Variants in LPP observed in about 807,000 individuals in gnomAD.
The protein encoded by LPP is lipoma-preferred partner.
LPP carries 38 observed loss-of-function variants against 60.4 expected under a neutral mutation model. The observed-to-expected ratio is 0.63, with a 90% CI of 0.49 to 0.83. The LOEUF is 0.83. LPP is among the 40% of genes least tolerant of loss of function. The pLI is 0.00. For synonymous variants in LPP, 328 were observed against 290.8 expected, an observed-to-expected ratio of 1.13 and a Z score of -1.30; for missense variants, 902 against 783.6, an observed-to-expected ratio of 1.15 and a Z score of -1.80.
chr3:188,201,960 G>A (rs1487198951), intron 1 of LPP, among the ~76,000 whole-genome samples: 1 of 151,910 alleles, frequency 6.6e-6, no homozygotes, highest in Non-Finnish European at 1.5e-5. Flanking sequence ...AAGCAGAGGG[G>A]ACAAGGTGAG....
chr3:188,221,318 CG>C (rs1159882639), intron 1 of LPP, among the ~76,000 whole-genome samples: 1 of 152,158 alleles, frequency 6.6e-6, no homozygotes, highest in Non-Finnish European at 1.5e-5. Flanking sequence ...CTCAAAAGGA[CG>C]TTGCATGTAC....
At chr3:188,441,405 A>T (rs1410628612) in intron 4 of LPP, among the ~76,000 whole-genome samples, 7 of 151,936 alleles carry the variant, frequency 4.6e-5, no homozygotes, top group African/African-American at 1.7e-4. Context: ...CTTACGTTTT[A>T]AATAAAAATA....
intron 4 of LPP, among the ~76,000 whole-genome samples, 194 bp from the exon 5 acceptor site, chr3:188,484,398 C>G (rs1010701872): frequency 6.6e-6 from 1 of 152,172 alleles, no homozygotes; most frequent in African/African-American, 2.4e-5. Context: ...AATATCAAAT[C>G]CGATACTCTT....
chr3:188,503,699 T>C (rs1244836609), intron 5 of LPP, among the ~76,000 whole-genome samples: 1 of 152,062 alleles, frequency 6.6e-6, no homozygotes, highest in Admixed American at 6.5e-5. Context: ...AAATAAAATT[T>C]TGCCAGATGT....
At position 188,203,472 on chromosome 3, in the gene LPP, T is replaced by A. The variant is rs1577266080; in HGVS notation, c.-189-21933T>A. ...AAATATATATAAATATATATATTTT[T>A]AAATATATATATATTTTTAAATATA... On this transcript the variant is annotated intron_variant, in intron 1 of 11. Coordinates refer to ENST00000617246, the MANE Select transcript of LPP (RefSeq NM_001375462.1). Among the ~76,000 whole-genome samples the A allele has an allele frequency of 6.6e-5, 6 of 91,372 alleles. No individual in the cohort carries two copies. The South Asian group carries it at 1.6e-3, about 25-fold the overall frequency. The allele number at this position is 91,372 out of a possible 152,430, so 59.9% of individuals were successfully genotyped here.
At chr3:188,161,009 C>T (rs1041301280) in intron 1 of LPP, among the ~76,000 whole-genome samples, 1 of 152,114 alleles carries the variant, frequency 6.6e-6, no homozygotes, top group African/African-American at 2.4e-5. Flanking sequence ...CCATAGGGAC[C>T]TTGGTGTATG....
chr3:188,487,065 C>T lies in LPP; in HGVS notation c.306+2361C>T, dbSNP rs191914575. On this transcript the variant is annotated intron_variant, in intron 5 of 11. Coordinates refer to ENST00000617246, the MANE Select transcript of LPP (RefSeq NM_001375462.1). ...GAAACTATTTTGTTGCATTTTAAATCTTTAGTTCTCACAATGTTATTTGAA... is the reference window on the plus strand; with the variant it reads ...GAAACTATTTTGTTGCATTTTAAATTTTTAGTTCTCACAATGTTATTTGAA... 1.2e-3 allele frequency among the ~76,000 whole-genome samples: 185 copies of T among 152,266 alleles called. 1 individual carries two copies. Among genetic ancestry groups the T allele is most frequent in the Non-Finnish European group, 9.7e-4 (66 of 68,014 alleles).
rs564680551 is a variant in LPP, at chr3:188,477,363, C to A, written c.194-7229C>A. Among the ~76,000 whole-genome samples, 3 of 152,268 alleles carry A rather than the reference C, an allele frequency of 2.0e-5. No individual in the cohort carries two copies. The East Asian group carries it at 5.8e-4, about 29-fold the overall frequency. On this transcript the variant is annotated intron_variant, in intron 4 of 11. Coordinates refer to ENST00000617246, the MANE Select transcript of LPP (RefSeq NM_001375462.1). ...GTAGCTGGATCAGTCAAATTAATAACCCCTTCCTTGTCAGAGAGAAGGGCA... is the reference window on the plus strand; with the variant it reads ...GTAGCTGGATCAGTCAAATTAATAAACCCTTCCTTGTCAGAGAGAAGGGCA...
chr3:188,581,455 T>A (rs539945789), intron 6 of LPP, among the ~76,000 whole-genome samples: 1 of 152,316 alleles, frequency 6.6e-6, no homozygotes, highest in Non-Finnish European at 1.5e-5. Flanking sequence ...ACTTGCAATT[T>A]AGTACTGTTT....
At chr3:188,185,099 GC>G (rs1175275122) in intron 1 of LPP, among the ~76,000 whole-genome samples, 1 of 152,092 alleles carries the variant, frequency 6.6e-6, no homozygotes, top group Non-Finnish European at 1.5e-5. Context: ...TTGCAGAGAC[GC>G]CTTCTTTTTA....
At chr3:188,800,524 CG>C (rs1386527908) in intron 9 of LPP, among the ~76,000 whole-genome samples, 1 of 151,966 alleles carries the variant, frequency 6.6e-6, no homozygotes, top group Non-Finnish European at 1.5e-5. Context: ...GGATTACAGG[CG>C]TGAGCCACCA....
chr3:188,623,899 T>C (rs1846286620), intron 7 of LPP, among the ~76,000 whole-genome samples: 1 of 152,212 alleles, frequency 6.6e-6, no homozygotes, highest in Non-Finnish European at 1.5e-5. Flanking sequence ...CGTCTCTTCC[T>C]TTTTCATCTT....
chr3:188,755,809 C>CAAAAAAAAAAAAA (rs58696911), intron 8 of LPP, among the ~76,000 whole-genome samples: 5 of 73,986 alleles, frequency 6.8e-5, no homozygotes, highest in Admixed American at 1.5e-4. Flanking sequence ...GATCCTGTCA[C>CAAAAAAAAAAAAA]AAAAAAAAAA....
chr3:188,415,338 G>T (rs1468232736), intron 4 of LPP, among the ~76,000 whole-genome samples: 2 of 152,080 alleles, frequency 1.3e-5, no homozygotes, highest in Non-Finnish European at 2.9e-5. Context: ...TGGTAGGCAT[G>T]TGCAAAATTT....
chr3:188,740,197 C>T (rs1046555382), intron 8 of LPP, among the ~76,000 whole-genome samples: 1 of 151,994 alleles, frequency 6.6e-6, no homozygotes, highest in African/African-American at 2.4e-5. Flanking sequence ...CTCTGTTTCC[C>T]TAGTTTACTA....
chr3:188,615,877 A>ATATT (rs1037405218), intron 7 of LPP, among the ~76,000 whole-genome samples: 55 of 152,226 alleles, frequency 3.6e-4, no homozygotes, highest in African/African-American at 1.3e-3. Context: ...GACCGCATAA[A>ATATT]TGTCTTATTT....
intron 6 of LPP, among the ~76,000 whole-genome samples, chr3:188,603,481 G>A (rs190081857): frequency 6.6e-6 from 1 of 151,984 alleles, no homozygotes; most frequent in Admixed American, 6.6e-5. Flanking sequence ...CCACCTACTA[G>A]TGATGTGTCC....
intron 9 of LPP, among the ~76,000 whole-genome samples, chr3:188,858,576 G>A (rs908640198): frequency 6.6e-6 from 1 of 152,162 alleles, no homozygotes; most frequent in Admixed American, 6.5e-5. Context: ...ACTTTGTGAA[G>A]AATGTGATTT....
intron 9 of LPP, among the ~76,000 whole-genome samples, chr3:188,835,499 A>G (rs1401601588): frequency 6.6e-6 from 1 of 151,864 alleles, no homozygotes; most frequent in African/African-American, 2.4e-5. Context: ...GATGCCTGTA[A>G]TCCTAGCTAC....
Sources: allele counts gnomAD v4.1 joint callset (sites outside exome capture counted in the v4.1 genomes callset), GRCh38; gene constraint gnomAD v4.1.1; transcripts MANE v1.5; gene names NCBI Gene and HGNC (gene_info 2026-07-23, HGNC 2026-07-21).